EPHA5: variants seen among roughly 807,000 people sequenced by gnomAD.
EPHA5 encodes EPH receptor A5.
In EPHA5, 60 loss-of-function variants were observed where a neutral mutation model predicts 105.0. The ratio of observed to expected loss-of-function variants is 0.57; its 90% CI spans 0.46 to 0.71. The LOEUF (loss-of-function observed/expected upper bound fraction) is 0.71, where lower values mean the gene tolerates loss of function less well. Among genes scored for constraint, EPHA5 ranks in the 30% least tolerant of loss-of-function variants. EPHA5 has a pLI of 0.00. For synonymous variants in EPHA5, 513 were observed against 449.1 expected (o/e 1.14, Z -1.80); for missense variants, 1,218 against 1,274.7 (o/e 0.96, Z 0.68).
intron 5 of EPHA5, among the ~76,000 whole-genome samples, chr4:65,471,933 A>C (rs1729325279): frequency 6.6e-6 from 1 of 152,168 alleles, no homozygotes; most frequent in Non-Finnish European, 1.5e-5. Flanking sequence ...ATGCCTTCTC[A>C]ACAGTCCCCC....
At chr4:65,448,104 T>TA in intron 5 of EPHA5, among the ~76,000 whole-genome samples, 1 of 150,668 alleles carries the variant, frequency 6.6e-6, no homozygotes, top group South Asian at 2.1e-4. Context: ...ATAAAGACAA[T>TA]AAAAAATTTA....
chr4:65,327,061 T>A (rs1305407368), intron 16 of EPHA5, among the ~76,000 whole-genome samples: 2 of 151,144 alleles, frequency 1.3e-5, no homozygotes, highest in African/African-American at 4.8e-5. Flanking sequence ...GAGAAAAATA[T>A]AATTTAATCT....
At chr4:65,574,600 GTATATATATATACATA>G (rs1312267430) in intron 3 of EPHA5, among the ~76,000 whole-genome samples, 1 of 80,198 alleles carries the variant, frequency 1.2e-5, no homozygotes, top group East Asian at 2.7e-4. Flanking sequence ...ATATATTGCT[GTATATATATATACATA>G]TATATATATA....
At chr4:65,430,269 TTTTGTTCCACTGGAACAG>T (rs973337334) in intron 5 of EPHA5, among the ~76,000 whole-genome samples, 83 of 152,018 alleles carry the variant, frequency 5.5e-4, no homozygotes, top group African/African-American at 1.9e-3. Context: ...AATCCATATT[TTTTGTTCCACTGGAACAG>T]TAGTCTAGAT....
chr4:65,639,853 G>A lies in EPHA5; in HGVS notation c.246+3510C>T, dbSNP rs373262594. 5.9e-5 allele frequency among the ~76,000 whole-genome samples: 9 copies of A among 151,990 alleles called. No individual in the cohort carries two copies. The South Asian group carries it at 1.7e-3, about 28-fold the overall frequency. On this transcript the variant is annotated intron_variant, in intron 2 of 16. Coordinates refer to ENST00000613740, the MANE Select transcript of EPHA5 (RefSeq NM_001281766.3). Reference sequence around the variant, plus strand: ...TCCTTTCTTCTCTGTGCTCAAATCTGCTGTTAAGGCTGTATTGCAAATTCA... The same window carrying A: ...TCCTTTCTTCTCTGTGCTCAAATCTACTGTTAAGGCTGTATTGCAAATTCA...
chr4:65,367,484 C>A (rs2148896895), intron 8 of EPHA5, 60 bp from the exon 9 acceptor site: 9 of 1,489,926 alleles, frequency 6.0e-6, no homozygotes, highest in Non-Finnish European at 8.4e-6. Flanking sequence ...TCACATCAAG[C>A]CCAGAAGCAT....
intron 16 of EPHA5, among the ~76,000 whole-genome samples, chr4:65,327,225 T>A (rs1720168618): frequency 6.6e-6 from 1 of 151,252 alleles, no homozygotes; most frequent in Non-Finnish European, 1.5e-5. Flanking sequence ...AAAAATGAAA[T>A]CTGTACTTTG....
intron 5 of EPHA5, among the ~76,000 whole-genome samples, chr4:65,437,427 A>C (rs944213272): frequency 6.6e-6 from 1 of 152,100 alleles, no homozygotes; most frequent in Non-Finnish European, 1.5e-5. Context: ...TAATTAATTA[A>C]AAAAGACATA....
chr4:65,403,272 G>A (rs1015720548), intron 8 of EPHA5, among the ~76,000 whole-genome samples: 4 of 152,094 alleles, frequency 2.6e-5, no homozygotes, highest in Admixed American at 6.6e-5. Context: ...ATTGAAAAGT[G>A]CCCAATTCTG....
intron 3 of EPHA5, among the ~76,000 whole-genome samples, chr4:65,518,326 T>C (rs1734305140): frequency 6.6e-6 from 1 of 152,010 alleles, no homozygotes; most frequent in Admixed American, 6.6e-5. Flanking sequence ...TCTTATAATG[T>C]GTAAATTAGA....
At chr4:65,358,234 C>T (rs952258015) in intron 11 of EPHA5, among the ~76,000 whole-genome samples, 1 of 151,480 alleles carries the variant, frequency 6.6e-6, no homozygotes, top group Admixed American at 6.6e-5. Flanking sequence ...ATACCATCTG[C>T]CTTTCCCAAA....
intron 8 of EPHA5, among the ~76,000 whole-genome samples, chr4:65,370,115 G>T (rs774819735): frequency 2.0e-5 from 3 of 151,988 alleles, no homozygotes; most frequent in South Asian, 4.2e-4. Flanking sequence ...TACACAACAG[G>T]GATCTCATGG....
chr4:65,395,132 G>T (rs932212541), intron 8 of EPHA5, among the ~76,000 whole-genome samples: 1 of 152,146 alleles, frequency 6.6e-6, no homozygotes. Context: ...TAAGAACTGT[G>T]CCAGGCATGT....
intron 7 of EPHA5, among the ~76,000 whole-genome samples, chr4:65,408,201 C>T (rs1364278895): frequency 1.3e-5 from 2 of 151,826 alleles, no homozygotes; most frequent in African/African-American, 4.8e-5. Flanking sequence ...ACTGTCAATG[C>T]CTTCATGCTT....
intron 2 of EPHA5, among the ~76,000 whole-genome samples, chr4:65,614,130 T>G (rs1388781086): frequency 6.6e-6 from 1 of 151,968 alleles, no homozygotes; most frequent in East Asian, 1.9e-4. Flanking sequence ...TCTGTCAACT[T>G]GTTCCTTGTC....
rs910876743 is a variant in EPHA5, at chr4:65,352,945, C to T, written c.2235+97G>A. 2.9e-5 allele frequency: 21 copies of T among 727,850 alleles called. No homozygotes were observed. In the Admixed American group the frequency reaches 6.1e-4, roughly 21 times the overall value. The allele number at this position is 727,850 out of a possible 1,614,324, so 45.1% of individuals were successfully genotyped here. ...ATTAAAAACTTAAGCTTTAAAGTGG[C>T]CCAAATTCAACTTCAACATCACAGC... On this transcript the variant is annotated intron_variant, in intron 12 of 16. Transcript: ENST00000613740.
At chr4:65,399,426 C>T (rs901662563) in intron 8 of EPHA5, among the ~76,000 whole-genome samples, 5 of 152,132 alleles carry the variant, frequency 3.3e-5, no homozygotes, top group East Asian at 1.9e-4. Flanking sequence ...CCTGCCAGGG[C>T]GAGTGGGCAG....
chr4:65,595,109 T>G lies in EPHA5; in HGVS notation c.910+6532A>C, dbSNP rs1017674761. Among the ~76,000 whole-genome samples, 5 of 151,266 alleles carry G rather than the reference T, an allele frequency of 3.3e-5. No individual in the cohort carries two copies. The East Asian group carries it at 9.7e-4, about 29-fold the overall frequency. On this transcript the variant is annotated intron_variant, in intron 3 of 16. Transcript: ENST00000613740. ...GTACTGTTTCCCATACTTTTCACAGTTTTTTTTCCCCTAACTTCTATGTTA... is the reference window on the plus strand; with the variant it reads ...GTACTGTTTCCCATACTTTTCACAGGTTTTTTTCCCCTAACTTCTATGTTA...
intron 6 of EPHA5, among the ~76,000 whole-genome samples, chr4:65,415,710 G>C (rs1337510422): frequency 6.6e-6 from 1 of 151,780 alleles, no homozygotes; most frequent in Non-Finnish European, 1.5e-5. Flanking sequence ...TATTAAATTT[G>C]AGCCAAGGAT....
Sources: gnomAD v4.1 joint callset for allele counts (sites outside exome capture counted in the v4.1 genomes callset) on GRCh38, gnomAD v4.1.1 for gene constraint, MANE v1.5 for transcripts, NCBI Gene and HGNC (gene_info 2026-07-23, HGNC 2026-07-21) for gene names.